The following SEC23B variants were observed in gnomAD, a reference collection of about 807,000 sequenced individuals.
The protein encoded by SEC23B is SEC23 homolog B, COPII component, also known as protein transport protein Sec23B.
Under a neutral mutation model 104.3 loss-of-function variants are expected in SEC23B, and 77 were observed. The observed-to-expected ratio is 0.74, with a 90% confidence interval of 0.61 to 0.89. The LOEUF (loss-of-function observed/expected upper bound fraction) is 0.89. Among genes scored for constraint, SEC23B ranks in the 40% least tolerant of loss-of-function variants. The pLI is 0.00. For synonymous variants in SEC23B, 338 were observed against 332.5 expected (o/e 1.02, Z -0.18); for missense variants, 885 against 949.4 (o/e 0.93, Z 0.89).
chr20:18,514,800 T>A lies in SEC23B; in HGVS notation c.280-850T>A, dbSNP rs149812650. The stretch of plus-strand genomic sequence containing the variant: ...CCAGGAGGTTGACAGTAGCTGCTTC[T>A]AGGTGATAGGATTTTGGGGGGCTTT... On this transcript the variant is annotated intron_variant, in intron 3 of 19. Transcript: ENST00000650089. 3.9e-3 allele frequency among the ~76,000 whole-genome samples: 596 copies of A among 152,324 alleles called. 6 individuals carry two copies. Among genetic ancestry groups the A allele is most frequent in the African/African-American group, 0.014 (562 of 41,558 alleles).
intron 1 of SEC23B, 57 bp from the exon 2 acceptor site, chr20:18,510,765 T>C (rs1600223867): frequency 2.2e-6 from 3 of 1,364,122 alleles, no homozygotes; most frequent in East Asian, 4.6e-5. Context: ...TCTTCTTTTT[T>C]TGACATTTAG....
At chr20:18,529,277 CT>C (rs1187161454) in intron 9 of SEC23B, among the ~76,000 whole-genome samples, 2 of 152,202 alleles carry the variant, frequency 1.3e-5, no homozygotes, top group South Asian at 2.1e-4. Flanking sequence ...GTGGAAGCTG[CT>C]GGCAAATGAA....
chr20:18,512,259 A>T lies in SEC23B; in HGVS notation c.256A>T (p.Asn86Tyr). 3.1e-6 allele frequency: 5 copies of T among 1,592,828 alleles called. No homozygotes were observed. Among genetic ancestry groups the T allele is most frequent in the Non-Finnish European group, 4.3e-6 (5 of 1,163,300 alleles). ...TTATCGAGCAAAACTTTGGGCCTGTAATTTCTGTTTTCAAAGAAATCAGGT... is the reference window on the plus strand; with the variant it reads ...TTATCGAGCAAAACTTTGGGCCTGTTATTTCTGTTTTCAAAGAAATCAGGT... ...VDYRAKLWACNFCFQRNQFPP... is the reference protein window; with the variant it reads ...VDYRAKLWACYFCFQRNQFPP... The change falls in exon 3 of 20, where the codon AAT becomes TAT. Residue 86 changes from asparagine to tyrosine, a missense_variant. By Grantham distance (143) the Asn-to-Tyr change is moderately radical. Transcript: ENST00000650089.
intron 10 of SEC23B, among the ~76,000 whole-genome samples, chr20:18,532,018 A>C (rs1046386447): frequency 1.1e-4 from 17 of 152,208 alleles, no homozygotes; most frequent in African/African-American, 3.9e-4. Context: ...TGATCATGCC[A>C]CTGCACTCAG....
chr20:18,523,397 C>CTTTTTTTTTTTTTTT (rs112136906), intron 4 of SEC23B, among the ~76,000 whole-genome samples: 4 of 130,554 alleles, frequency 3.1e-5, no homozygotes, highest in Non-Finnish European at 4.7e-5. Context: ...TCTTTCCTTT[C>CTTTTTTTTTTTTTTT]TTTTTTTTTT....
intron 13 of SEC23B, 149 bp from the exon 14 acceptor site, chr20:18,542,870 C>A: frequency 1.1e-6 from 1 of 933,130 alleles, no homozygotes; most frequent in Non-Finnish European, 1.8e-6. Context: ...AACTTCTAGG[C>A]TCAAGCAGTC....
chr20:18,545,706 A>G (rs1292201694), intron 14 of SEC23B, among the ~76,000 whole-genome samples: 1 of 152,202 alleles, frequency 6.6e-6, no homozygotes, highest in Admixed American at 6.5e-5. Context: ...TCCTCAGGCC[A>G]GCATTGCCTG....
chr20:18,554,438 G>A (rs2060417069), intron 18 of SEC23B, 48 bp downstream of exon 18: 1 of 1,594,608 alleles, frequency 6.3e-7, no homozygotes, highest in South Asian at 1.1e-5. Flanking sequence ...TTTTATGATA[G>A]ATTGTTATTG....
chr20:18,512,075 A>C (rs1226723402), intron 2 of SEC23B, 150 bp from the exon 3 acceptor site: 2 of 524,162 alleles, frequency 3.8e-6, no homozygotes, highest in East Asian at 6.2e-5. Context: ...AACGTTTTGC[A>C]TACTCATACT....
chr20:18,541,794 G>A (rs2060289991), intron 12 of SEC23B, among the ~76,000 whole-genome samples: 1 of 152,172 alleles, frequency 6.6e-6, no homozygotes, highest in Non-Finnish European at 1.5e-5. Flanking sequence ...GAGAATTACT[G>A]AACTGTGACA....
chr20:18,526,359 A>G lies in SEC23B; in HGVS notation c.835-14A>G. 6.2e-7 allele frequency: 1 copy of G among 1,614,140 alleles called. No homozygotes were observed. The highest frequency in any genetic ancestry group is 8.5e-7 in the Non-Finnish European group (1 of 1,179,994). ...GGCTGTATACTTCTAACATGCTGCC[A>G]TTCGCTATTTTAGGGCACTTTTCCA... is the stretch of plus-strand genomic sequence containing the variant. On this transcript the variant is annotated splice_polypyrimidine_tract_variant and intron_variant, in intron 7 of 19. Transcript: ENST00000650089.
Position 18,533,010 on chromosome 20 carries a change from T to A in SEC23B, c.1314+266T>A, listed in dbSNP as rs548973929. Among the ~76,000 whole-genome samples the A allele has an allele frequency of 2.4e-4, 36 of 152,352 alleles. 1 individual carries two copies. The East Asian group carries it at 6.0e-3, about 25-fold the overall frequency. On this transcript the variant is annotated intron_variant, in intron 11 of 19. Coordinates refer to ENST00000650089, the MANE Select transcript of SEC23B (RefSeq NM_006363.6). The stretch of plus-strand genomic sequence containing the variant: ...TGACATGAAGGAGTTAGAGCCCAGG[T>A]GCCCCTGACTCCACCACCCATGGTC...
chr20:18,524,178 GACCTGA>G (rs1282837583), intron 4 of SEC23B, among the ~76,000 whole-genome samples: 1 of 152,142 alleles, frequency 6.6e-6, no homozygotes, highest in Non-Finnish European at 1.5e-5. Flanking sequence ...TGTGTCCCAG[GACCTGA>G]AACAATGTCT....
chr20:18,531,875 C>T (rs2060191150), intron 10 of SEC23B, among the ~76,000 whole-genome samples: 1 of 145,996 alleles, frequency 6.8e-6, no homozygotes. Context: ...CATAGCAAGA[C>T]CCTGTGTCTA....
intron 18 of SEC23B, 96 bp downstream of exon 18, chr20:18,554,486 T>G: frequency 7.1e-7 from 1 of 1,413,594 alleles, no homozygotes; most frequent in Non-Finnish European, 1.0e-6. Context: ...TTTTATGTGA[T>G]GACATAAATT....
rs142655303 is a variant in SEC23B, at chr20:18,560,189, A to C, written c.2215-462A>C. 5.2e-4 allele frequency among the ~76,000 whole-genome samples: 79 copies of C among 152,206 alleles called. 1 individual carries two copies. In the East Asian group the frequency reaches 0.015, roughly 29 times the overall value. On this transcript the variant is annotated intron_variant, in intron 19 of 19. Transcript: ENST00000650089. Reference sequence around the variant, plus strand: ...AGGTTTCTATTCAATTTTTCCCATAACATTAATAAAATTATAAGCTTTTTC... The same window carrying C: ...AGGTTTCTATTCAATTTTTCCCATACCATTAATAAAATTATAAGCTTTTTC...
intron 10 of SEC23B, 51 bp from the exon 11 acceptor site, chr20:18,532,613 A>T: frequency 8.0e-7 from 1 of 1,248,978 alleles, no homozygotes; most frequent in Non-Finnish European, 1.2e-6. Context: ...TGATGACAGC[A>T]GGGTGGATTG....
chr20:18,511,147 G>A, intron 2 of SEC23B, 91 bp downstream of exon 2: 8 of 1,091,634 alleles, frequency 7.3e-6, no homozygotes, highest in Non-Finnish European at 1.1e-5. Flanking sequence ...ATTTGGGCAG[G>A]TCATCAAATT....
Position 18,538,541 on chromosome 20 carries a change from C to T in SEC23B, c.1404+2799C>T, listed in dbSNP as rs539596711. Among the ~76,000 whole-genome samples the T allele has an allele frequency of 2.4e-4, 36 of 152,210 alleles. No homozygotes were observed. The South Asian group carries it at 5.8e-3, about 25-fold the overall frequency. ...GTGCTGGGATTACAGGCGTGAGCCA[C>T]CATGCCTGGCCGGAATTTCTTGAAA... On this transcript the variant is annotated intron_variant, in intron 12 of 19. Coordinates refer to ENST00000650089, the MANE Select transcript of SEC23B (RefSeq NM_006363.6).
Sources: gnomAD v4.1 joint callset for allele counts (sites outside exome capture counted in the v4.1 genomes callset) on GRCh38, gnomAD v4.1.1 for gene constraint, MANE v1.5 for transcripts, NCBI Gene and HGNC (gene_info 2026-07-23, HGNC 2026-07-21) for gene names.